The following CNKSR3 variants were observed in gnomAD, a reference collection of about 807,000 sequenced individuals.
CNKSR3 encodes connector enhancer of kinase suppressor of ras 3.
In CNKSR3, 36 loss-of-function variants were observed where a neutral mutation model predicts 67.7. The observed-to-expected ratio is 0.53, with a 90% CI of 0.41 to 0.70. The LOEUF (loss-of-function observed/expected upper bound fraction) is 0.70. CNKSR3 is among the 30% of genes least tolerant of loss of function. CNKSR3 has a pLI of 0.00. For synonymous variants in CNKSR3, 281 were observed against 271.4 expected (o/e 1.04, Z -0.35); for missense variants, 630 against 695.2 (o/e 0.91, Z 1.05).
intron 2 of CNKSR3, among the ~76,000 whole-genome samples, chr6:154,443,986 T>C (rs1198526437): frequency 1.3e-5 from 2 of 152,188 alleles, no homozygotes; most frequent in African/African-American, 4.8e-5. Context: ...AGACTCCTTT[T>C]CAGAGAAAAG....
At chr6:154,490,175 A>C (rs1441615639) in intron 1 of CNKSR3, among the ~76,000 whole-genome samples, 1 of 152,184 alleles carries the variant, frequency 6.6e-6, no homozygotes, top group Non-Finnish European at 1.5e-5. Flanking sequence ...AAGGAAATAA[A>C]TACCCAGTAA....
At position 154,510,097 on chromosome 6, in the gene CNKSR3, C is replaced by G. The variant is rs956521070; in HGVS notation, c.18G>C (p.Lys6Asn). The change falls in exon 1 of 13, where the codon AAG becomes AAC. Residue 6 changes from lysine (K) to asparagine (N), a missense_variant. Around this residue, in one of 3 missense-constraint regions of CNKSR3, gnomAD observed 189 missense variants for 205.0 expected, o/e 0.92. Coordinates refer to ENST00000607772, the MANE Select transcript of CNKSR3 (RefSeq NM_173515.4). MEPVT[K>N]WSPKQVVDWT... Reference sequence around the variant, plus strand: ...AGTCCACCACTTGTTTGGGGCTCCACTTGGTCACGGGTTCCATGGTAAACC... The same window carrying G: ...AGTCCACCACTTGTTTGGGGCTCCAGTTGGTCACGGGTTCCATGGTAAACC... 2.5e-6 allele frequency: 4 copies of G among 1,614,048 alleles called. No homozygotes were observed. The African/African-American group carries it at 4.0e-5, about 16-fold the overall frequency.
At chr6:154,455,486 C>T (rs989172956) in intron 1 of CNKSR3, among the ~76,000 whole-genome samples, 38 of 151,318 alleles carry the variant, frequency 2.5e-4, no homozygotes, top group Admixed American at 1.6e-3. Flanking sequence ...TATTTTCTTT[C>T]CTTTTTTTTT....
In CNKSR3 at chr6:154,510,044, C is replaced by G. The variant is rs531617815; in HGVS notation, c.52+19G>C. The G allele has an allele frequency of 7.4e-6, 12 of 1,613,878 alleles. No homozygotes were observed. The highest frequency in any genetic ancestry group is 5.5e-5 in the South Asian group (5 of 91,082). ...TCCCCGAGGCTGGAGGACTCCGGACCCCCCCAAGGCCCGCGCACCTCTAGT... is the reference window on the plus strand; with the variant it reads ...TCCCCGAGGCTGGAGGACTCCGGACGCCCCCAAGGCCCGCGCACCTCTAGT... On this transcript the variant is annotated intron_variant, in intron 1 of 12. Coordinates refer to ENST00000607772, the MANE Select transcript of CNKSR3 (RefSeq NM_173515.4).
At chr6:154,495,663 C>T (rs1170374797) in intron 1 of CNKSR3, among the ~76,000 whole-genome samples, 1 of 152,102 alleles carries the variant, frequency 6.6e-6, no homozygotes, top group East Asian at 1.9e-4. Context: ...ACATGAGCCA[C>T]TGTGCCCGGC....
At chr6:154,476,679 G>A (rs1220032692) in intron 1 of CNKSR3, among the ~76,000 whole-genome samples, 1 of 152,108 alleles carries the variant, frequency 6.6e-6, no homozygotes, top group Non-Finnish European at 1.5e-5. Flanking sequence ...GTAGTCATAC[G>A]AGTATCGGTA....
intron 1 of CNKSR3, among the ~76,000 whole-genome samples, chr6:154,463,265 T>C (rs1786121919): frequency 6.6e-6 from 1 of 152,174 alleles, no homozygotes; most frequent in African/African-American, 2.4e-5. Flanking sequence ...GAGACAGGTT[T>C]TCACCGTGTT....
In CNKSR3 at chr6:154,394,559, TAA is replaced by T. The variant is rs1784638751; in HGVS notation, c.*11793_*11794del. ...GAGGAAAATGTAAACTCTTAGTGTG[TAA>T]AGTCACTGAGATTTGGGGGTTGTTT... is the stretch of plus-strand genomic sequence containing the variant. On this transcript the variant is annotated 3_prime_UTR_variant, in exon 13 of 13. Transcript: ENST00000607772. 1 of 145,330 alleles carries T rather than the reference TAA, an allele frequency of 6.9e-6. No homozygotes were observed. Among genetic ancestry groups the T allele is most frequent in the African/African-American group, 2.6e-5 (1 of 38,278 alleles). The allele number at this position is 145,330 out of a possible 1,614,324, so 9.0% of individuals were successfully genotyped here.
chr6:154,451,934 TA>T lies in CNKSR3; in HGVS notation c.53-1677del, dbSNP rs143875078. On this transcript the variant is annotated intron_variant, in intron 1 of 12. Coordinates refer to ENST00000607772, the MANE Select transcript of CNKSR3 (RefSeq NM_173515.4). ...CAGCTCCGCTCTGACAGCCTTGAGC[TA>T]CAGGTGGCCTTCGTGGCACGCGAGT... 9.0e-3 allele frequency among the ~76,000 whole-genome samples: 1,367 copies of T among 152,214 alleles called. 21 individuals carry two copies. Among genetic ancestry groups the T allele is most frequent in the African/African-American group, 0.032 (1,312 of 41,536 alleles).
At chr6:154,432,235 A>G (rs1785385225) in intron 5 of CNKSR3, among the ~76,000 whole-genome samples, 1 of 152,166 alleles carries the variant, frequency 6.6e-6, no homozygotes, top group Non-Finnish European at 1.5e-5. Context: ...TTGTTGTTTT[A>G]ATTTACAATT....
intron 1 of CNKSR3, among the ~76,000 whole-genome samples, chr6:154,483,438 A>C (rs1456186627): frequency 6.6e-6 from 1 of 152,020 alleles, no homozygotes; most frequent in Non-Finnish European, 1.5e-5. Flanking sequence ...GCCCAGCACT[A>C]CCAATGGGCA....
chr6:154,491,271 T>G (rs765355743), intron 1 of CNKSR3, among the ~76,000 whole-genome samples: 12 of 152,240 alleles, frequency 7.9e-5, no homozygotes, highest in Non-Finnish European at 1.8e-4. Flanking sequence ...CCTGTTGATT[T>G]GTCTGTATTC....
At chr6:154,457,472 C>A (rs1360700036) in intron 1 of CNKSR3, among the ~76,000 whole-genome samples, 1 of 152,192 alleles carries the variant, frequency 6.6e-6, no homozygotes, top group East Asian at 1.9e-4. Flanking sequence ...GTAATTCCAG[C>A]ACTTTGGGAG....
At chr6:154,469,762 G>A (rs1189651536) in intron 1 of CNKSR3, among the ~76,000 whole-genome samples, 1 of 152,090 alleles carries the variant, frequency 6.6e-6, no homozygotes, top group African/African-American at 2.4e-5. Flanking sequence ...CTAACTTGGG[G>A]TTAGGCATGC....
intron 1 of CNKSR3, among the ~76,000 whole-genome samples, chr6:154,453,370 T>C (rs947194873): frequency 2.0e-5 from 3 of 152,174 alleles, no homozygotes; most frequent in Admixed American, 1.3e-4. Context: ...TTCTAGACAG[T>C]ATGCAGGCAA....
In CNKSR3 at chr6:154,410,957, A is replaced by T; in HGVS notation, c.1256T>A (p.Met419Lys). 6.2e-7 allele frequency: 1 copy of T among 1,612,714 alleles called. No homozygotes were observed. Among genetic ancestry groups the T allele is most frequent in the Non-Finnish European group, 8.5e-7 (1 of 1,179,092 alleles). ...SVETNILPTK[M>K]REKTPSYGKP... is the part of the protein sequence containing the mutation. ...ACCATAAGATGGTGTTTTCTCTCTC[A>T]TTTTTGTGGGCAGAATGTTGGTTTC... Residue 419 changes from methionine to lysine, a missense_variant, in exon 11 of 13, where the codon ATG (methionine) becomes AAG (lysine). Physicochemically the swap from Met to Lys is moderately conservative, Grantham distance 95 (BLOSUM62 -1). Coordinates refer to ENST00000607772, the MANE Select transcript of CNKSR3 (RefSeq NM_173515.4).
chr6:154,442,213 G>A lies in CNKSR3; in HGVS notation c.294C>T (p.Tyr98=), dbSNP rs374368587. The A allele has an allele frequency of 4.3e-6, 7 of 1,614,058 alleles. No homozygotes were observed. The highest frequency in any genetic ancestry group is 5.9e-6 in the Non-Finnish European group (7 of 1,180,012). ...LRASSHNLQN[Y]ISSRRKSPAY... Reference sequence around the variant, plus strand: ...CGGGACTTTTCCGTCGGCTACTTATGTAATTCTGTAAATTGTGGGAAGATG... The same window carrying A: ...CGGGACTTTTCCGTCGGCTACTTATATAATTCTGTAAATTGTGGGAAGATG... The change falls in exon 3 of 13, where the codon TAC becomes TAT. Residue 98 remains tyrosine (Y), a synonymous_variant. Coordinates refer to ENST00000607772, the MANE Select transcript of CNKSR3 (RefSeq NM_173515.4).
At chr6:154,482,693 C>T (rs1423501495) in intron 1 of CNKSR3, among the ~76,000 whole-genome samples, 2 of 152,156 alleles carry the variant, frequency 1.3e-5, no homozygotes, top group Non-Finnish European at 2.9e-5. Context: ...ACCCCCAACT[C>T]TGGGAAAGGA....
rs1784973440 is a variant in CNKSR3, at chr6:154,414,432, G to C, written c.946-9C>G. The C allele has an allele frequency of 1.3e-6, 2 of 1,577,982 alleles. No homozygotes were observed. The highest frequency in any genetic ancestry group is 1.4e-5 in the African/African-American group (1 of 73,492). ...GCGGGTGGAGGTGAGGTCTGAAACA[G>C]GAGTAACACAGCAATGCAAAGAGTG... is the stretch of plus-strand genomic sequence containing the variant. On this transcript the variant is annotated splice_polypyrimidine_tract_variant and intron_variant, in intron 9 of 12. Coordinates refer to ENST00000607772, the MANE Select transcript of CNKSR3 (RefSeq NM_173515.4).
Sources: gnomAD v4.1 joint callset for allele counts (sites outside exome capture counted in the v4.1 genomes callset) on GRCh38, gnomAD v4.1.1 for gene constraint, gnomAD v4.1.1 regional missense constraint, MANE v1.5 for transcripts, NCBI Gene and HGNC (gene_info 2026-07-23, HGNC 2026-07-21) for gene names.